Variants in AGAP1 observed in about 807,000 individuals in gnomAD.
The protein encoded by AGAP1 is arf-GAP with GTPase, ANK repeat and PH domain-containing protein 1.
Under a neutral mutation model 105.3 loss-of-function variants are expected in AGAP1, and 29 were observed. The ratio of observed to expected loss-of-function variants is 0.28; its 90% CI spans 0.21 to 0.38. The LOEUF is 0.38. AGAP1 is among the 10% of genes least tolerant of loss of function. AGAP1 has a pLI of 1.00. For missense variants in AGAP1, 998 were observed against 1,165.1 expected (o/e 0.86, Z 2.09); for synonymous variants, 509 against 485.9 (o/e 1.05, Z -0.63).
In AGAP1 at chr2:236,044,124, T is replaced by C. The variant is rs932415666; in HGVS notation, c.1891+3283T>C. Among the ~76,000 whole-genome samples the C allele has an allele frequency of 1.7e-5, 2 of 120,394 alleles. No individual in the cohort carries two copies. Among genetic ancestry groups the C allele is most frequent in the African/African-American group, 2.6e-5 (1 of 37,776 alleles). The allele number at this position is 120,394 out of a possible 152,430, so 79.0% of individuals were successfully genotyped here. On this transcript the variant is annotated intron_variant, in intron 15 of 17. Transcript: ENST00000304032. The surrounding 1 kb of genome is among the most constrained non-coding windows in gnomAD (Gnocchi z 5.7). ...TAAAGGGATTCTGAGAGCCAGTGAA[T>C]TTGGGAAACTCTTAACAACGTCCGA...
intron 13 of AGAP1, among the ~76,000 whole-genome samples, chr2:236,034,037 T>G (rs2057305356): frequency 6.6e-6 from 1 of 152,220 alleles, no homozygotes; most frequent in African/African-American, 2.4e-5. Flanking sequence ...CAAGTTTTCC[T>G]TATGATCTAA....
At chr2:235,678,478 G>A (rs1026433486) in intron 1 of AGAP1, among the ~76,000 whole-genome samples, 19 of 152,198 alleles carry the variant, frequency 1.2e-4, no homozygotes, top group African/African-American at 3.4e-4. Context: ...TGCTTTGGAA[G>A]AAGCTGGCTT....
At chr2:235,607,682 G>T (rs1227596279) in intron 1 of AGAP1, among the ~76,000 whole-genome samples, 1 of 152,210 alleles carries the variant, frequency 6.6e-6, no homozygotes, top group African/African-American at 2.4e-5. Context: ...CTCCACCAAG[G>T]TCTCTGGATT....
At chr2:235,814,059 C>T (rs1385337943) in intron 9 of AGAP1, among the ~76,000 whole-genome samples, 2 of 152,182 alleles carry the variant, frequency 1.3e-5, no homozygotes, top group South Asian at 2.1e-4. Context: ...CGCCCAGCCG[C>T]CTGTGTGTGT....
rs1321046777 is a variant in AGAP1 at position 236,083,628 on chromosome 2, TATG to T, written c.2114+34350_2114+34352del. ...GTACCCCAAATTTGGGAGGCTTTCT[TATG>T]ATCATTCTTAAATAGTTTATTGTCT... On this transcript the variant is annotated intron_variant, in intron 16 of 17. Coordinates refer to ENST00000304032, the MANE Select transcript of AGAP1 (RefSeq NM_001037131.3). This position sits in a 1 kb window ranked among gnomAD's most constrained non-coding sequence, Gnocchi z 5.3. Among the ~76,000 whole-genome samples, 1 of 152,210 alleles carries T rather than the reference TATG, an allele frequency of 6.6e-6. No homozygotes were observed. The highest frequency in any genetic ancestry group is 1.5e-5 in the Non-Finnish European group (1 of 68,040).
At chr2:235,505,431 A>C (rs1941756335) in intron 1 of AGAP1, among the ~76,000 whole-genome samples, 1 of 152,146 alleles carries the variant, frequency 6.6e-6, no homozygotes, top group South Asian at 2.1e-4. Context: ...GCAATGGCAA[A>C]TATTTATTTT....
Position 235,769,589 on chromosome 2 carries a change from ATAAGT to A in AGAP1, c.673+19104_673+19108del, listed in dbSNP as rs1248713499. On this transcript the variant is annotated intron_variant, in intron 6 of 17. Coordinates refer to ENST00000304032, the MANE Select transcript of AGAP1 (RefSeq NM_001037131.3). This position sits in a 1 kb window ranked among gnomAD's most constrained non-coding sequence, Gnocchi z 4.4. ...TGTTCCGTTCATGCTGTTGCGTGAG[ATAAGT>A]TAGGATGCTCTTGAAGAAGTTTAGT... 6.6e-6 allele frequency among the ~76,000 whole-genome samples: 1 copy of A among 152,184 alleles called. No homozygotes were observed. Among genetic ancestry groups the A allele is most frequent in the East Asian group, 1.9e-4 (1 of 5,204 alleles).
chr2:235,571,158 A>G (rs1944499404), intron 1 of AGAP1, among the ~76,000 whole-genome samples: 1 of 152,178 alleles, frequency 6.6e-6, no homozygotes, highest in Non-Finnish European at 1.5e-5. Flanking sequence ...GAACAGCACC[A>G]AGGGGACGGT....
At chr2:236,006,770 A>G (rs751801016) in intron 13 of AGAP1, among the ~76,000 whole-genome samples, 3 of 152,350 alleles carry the variant, frequency 2.0e-5, no homozygotes, top group Non-Finnish European at 4.4e-5. Flanking sequence ...ACTTTAAAGG[A>G]AAAATGGAAA....
At chr2:236,023,863 C>T (rs565392866) in intron 13 of AGAP1, among the ~76,000 whole-genome samples, 1 of 152,160 alleles carries the variant, frequency 6.6e-6, no homozygotes, top group South Asian at 2.1e-4. Flanking sequence ...CTATAGGGCA[C>T]CCTGGGAGAA....
Position 236,067,275 on chromosome 2 carries a change from A to G in AGAP1, c.2114+17994A>G, listed in dbSNP as rs551394132. Among the ~76,000 whole-genome samples the G allele has an allele frequency of 1.6e-4, 24 of 152,308 alleles. No homozygotes were observed. The South Asian group carries it at 4.4e-3, about 28-fold the overall frequency. Reference sequence around the variant, plus strand: ...TCATCAGGATGATTTCAAGAATTAAATGAACAATATATATAACACAATGCT... The same window carrying G: ...TCATCAGGATGATTTCAAGAATTAAGTGAACAATATATATAACACAATGCT... On this transcript the variant is annotated intron_variant, in intron 16 of 17. Transcript: ENST00000304032.
intron 6 of AGAP1, among the ~76,000 whole-genome samples, chr2:235,796,117 C>G (rs1957232527): frequency 6.6e-6 from 1 of 152,202 alleles, no homozygotes; most frequent in Non-Finnish European, 1.5e-5. Flanking sequence ...AACTCTGAAG[C>G]TGGGAGTAAA....
Position 236,131,633 on chromosome 2 carries a change from T to C in AGAP1, c.*7511T>C, listed in dbSNP as rs1016019790. 2 of 152,208 alleles carry C rather than the reference T, an allele frequency of 1.3e-5. No homozygotes were observed. The highest frequency in any genetic ancestry group is 1.3e-4 in the Admixed American group (2 of 15,290). 9.4% of individuals were successfully genotyped at this position (152,208 alleles called of 1,614,324 possible). A position where few individuals can be genotyped will look rare whatever the true frequency, so the allele number is the denominator to read the frequency against. ...GCTTGTTATTTCATATGATCTTGTT[T>C]TGATTAAATATGCCAGTTTGTATTT... is the stretch of plus-strand genomic sequence containing the variant. On this transcript the variant is annotated 3_prime_UTR_variant, in exon 18 of 18. Coordinates refer to ENST00000304032, the MANE Select transcript of AGAP1 (RefSeq NM_001037131.3). This position sits in a 1 kb window ranked among gnomAD's most constrained non-coding sequence, Gnocchi z 5.9.
At chr2:235,937,962 A>G (rs2053071939) in intron 12 of AGAP1, among the ~76,000 whole-genome samples, 3 of 152,260 alleles carry the variant, frequency 2.0e-5, no homozygotes. Flanking sequence ...GTTGCACAGT[A>G]ATTCAGTAAG....
chr2:235,922,463 A>T (rs948867005), intron 11 of AGAP1, among the ~76,000 whole-genome samples: 1 of 152,154 alleles, frequency 6.6e-6, no homozygotes, highest in African/African-American at 2.4e-5. Context: ...AATGCCAGCT[A>T]TTATTTTCCT....
rs906726042 is a variant in AGAP1 at position 235,552,520 on chromosome 2, C to T, written c.163+57671C>T. On this transcript the variant is annotated intron_variant, in intron 1 of 17. Coordinates refer to ENST00000304032, the MANE Select transcript of AGAP1 (RefSeq NM_001037131.3). This position sits in a 1 kb window ranked among gnomAD's most constrained non-coding sequence, Gnocchi z 5.9. ...AAGTGTGGGATTTTTTCTGCTACTC[C>T]TTCATTCACACCTGGATTCAGTTGC... 6.6e-6 allele frequency among the ~76,000 whole-genome samples: 1 copy of T among 152,146 alleles called. No homozygotes were observed. Among genetic ancestry groups the T allele is most frequent in the African/African-American group, 2.4e-5 (1 of 41,412 alleles).
chr2:235,645,327 G>C (rs1339864797), intron 1 of AGAP1, among the ~76,000 whole-genome samples: 2 of 152,150 alleles, frequency 1.3e-5, no homozygotes, highest in Non-Finnish European at 2.9e-5. Flanking sequence ...TCTCAAAGTT[G>C]CTCTGGAAGA....
chr2:235,840,480 C>G (rs148140546), intron 9 of AGAP1, among the ~76,000 whole-genome samples: 1 of 152,322 alleles, frequency 6.6e-6, no homozygotes, highest in African/African-American at 2.4e-5. Context: ...AGAAGCCATG[C>G]ACTGTGGTGG....
At chr2:235,841,892 G>C (rs957994476) in intron 9 of AGAP1, among the ~76,000 whole-genome samples, 4 of 151,976 alleles carry the variant, frequency 2.6e-5, no homozygotes, top group Non-Finnish European at 5.9e-5. Context: ...CCCGTATCCT[G>C]CTGCTCTCTC....
Sources: allele counts gnomAD v4.1 joint callset (sites outside exome capture counted in the v4.1 genomes callset), GRCh38; gene constraint gnomAD v4.1.1; non-coding constraint Gnocchi (gnomAD v3.1); transcripts MANE v1.5; gene names NCBI Gene and HGNC (gene_info 2026-07-23, HGNC 2026-07-21).